The following IMMP2L variants were observed in gnomAD, a reference collection of about 807,000 sequenced individuals.
IMMP2L encodes the protein inner mitochondrial membrane peptidase subunit 2.
Under a neutral mutation model 19.3 loss-of-function variants are expected in IMMP2L, and 18 were observed. The ratio of observed to expected loss-of-function variants is 0.93; its 90% CI spans 0.64 to 1.38. The LOEUF (loss-of-function observed/expected upper bound fraction) is 1.38. Among genes scored for constraint, IMMP2L ranks in the 40% most tolerant of loss-of-function variants. IMMP2L has a pLI of 0.00. For missense variants in IMMP2L, 233 were observed against 218.2 expected (o/e 1.07, Z -0.43); for synonymous variants, 76 against 73.0 (o/e 1.04, Z -0.21).
chr7:111,556,854 CTT>C (rs1048317161), intron 1 of IMMP2L, among the ~76,000 whole-genome samples: 3 of 152,122 alleles, frequency 2.0e-5, no homozygotes, highest in Admixed American at 6.5e-5. Flanking sequence ...TTTGCAATCT[CTT>C]GTGATGTTCC....
intron 3 of IMMP2L, among the ~76,000 whole-genome samples, chr7:111,348,358 T>A (rs990958123): frequency 1.3e-5 from 2 of 152,126 alleles, no homozygotes; most frequent in Admixed American, 1.3e-4. Flanking sequence ...AATCTTTATA[T>A]GAGAAGATTT....
At chr7:110,843,441 T>A (rs1805311341) in intron 5 of IMMP2L, among the ~76,000 whole-genome samples, 2 of 151,914 alleles carry the variant, frequency 1.3e-5, no homozygotes, top group South Asian at 4.2e-4. Context: ...TAGATAAACA[T>A]GGGGCATTGG....
chr7:111,407,470 CAA>C (rs1053480348), intron 3 of IMMP2L, among the ~76,000 whole-genome samples: 1 of 151,232 alleles, frequency 6.6e-6, no homozygotes. Flanking sequence ...TAATATTCAG[CAA>C]AAAAAAGAAC....
rs138446224 is a variant in IMMP2L, at chr7:111,306,705, A to T, written c.239+180533T>A. 3.4e-3 allele frequency among the ~76,000 whole-genome samples: 521 copies of T among 151,148 alleles called. 6 individuals are homozygous for T. The highest frequency in any genetic ancestry group is 0.012 in the African/African-American group (503 of 41,246). On this transcript the variant is annotated intron_variant, in intron 3 of 5. Coordinates refer to ENST00000405709, the MANE Select transcript of IMMP2L (RefSeq NM_032549.4). The stretch of plus-strand genomic sequence containing the variant: ...TACTGACTGGGAAGCTGTAATGATG[A>T]GATCTCTTGATAAAGTAATGCAGTG...
intron 5 of IMMP2L, among the ~76,000 whole-genome samples, chr7:110,788,259 G>A (rs1282554655): frequency 6.6e-6 from 1 of 151,918 alleles, no homozygotes; most frequent in African/African-American, 2.4e-5. Context: ...ACTAAGCTGG[G>A]TTTGAGCTTC....
chr7:110,723,039 T>G (rs1795674417), intron 5 of IMMP2L, among the ~76,000 whole-genome samples: 1 of 152,140 alleles, frequency 6.6e-6, no homozygotes, highest in African/African-American at 2.4e-5. Context: ...AATAGGCAGA[T>G]TCCCTTGTAC....
rs573664318 is a variant in IMMP2L at position 111,507,313 on chromosome 7, T to C, written c.135+14000A>G. 3.3e-5 allele frequency among the ~76,000 whole-genome samples: 5 copies of C among 152,320 alleles called. No homozygotes were observed. The East Asian group carries it at 9.6e-4, about 29-fold the overall frequency. On this transcript the variant is annotated intron_variant, in intron 2 of 5. Transcript: ENST00000405709. ...CCTCTAATTTCTGCTATAAGTTCAT[T>C]TCTCTCTTCCCATATCTTATATAAA...
chr7:110,848,644 G>A (rs1337186604), intron 5 of IMMP2L, among the ~76,000 whole-genome samples: 1 of 152,074 alleles, frequency 6.6e-6, no homozygotes, highest in Non-Finnish European at 1.5e-5. Context: ...TTCCAAAACT[G>A]GGAAGCAATC....
intron 2 of IMMP2L, chr7:111,492,218 GA>G (rs1843172929): frequency 5.5e-6 from 1 of 181,648 alleles, no homozygotes. Flanking sequence ...TTAGTGGAAA[GA>G]ATTTAAAAAA....
intron 3 of IMMP2L, among the ~76,000 whole-genome samples, chr7:110,977,999 A>T (rs2129557555): frequency 6.6e-6 from 1 of 152,162 alleles, no homozygotes; most frequent in African/African-American, 2.4e-5. Flanking sequence ...TGTGTATTTT[A>T]ATTAATTGTT....
intron 4 of IMMP2L, among the ~76,000 whole-genome samples, chr7:110,934,225 C>A (rs1049156156): frequency 2.6e-5 from 4 of 152,056 alleles, no homozygotes; most frequent in Non-Finnish European, 5.9e-5. Context: ...GATTTCTATT[C>A]TTTTGCATTT....
intron 4 of IMMP2L, among the ~76,000 whole-genome samples, chr7:110,955,983 C>T (rs1266987233): frequency 6.6e-6 from 1 of 151,624 alleles, no homozygotes; most frequent in Non-Finnish European, 1.5e-5. Flanking sequence ...CTGGGGAAAA[C>T]TCAATTTAGT....
At chr7:111,377,410 G>T (rs556303304) in intron 3 of IMMP2L, among the ~76,000 whole-genome samples, 1 of 151,710 alleles carries the variant, frequency 6.6e-6, no homozygotes, top group African/African-American at 2.4e-5. Context: ...TCCCTCTATA[G>T]TACAGCTCTA....
At chr7:110,754,585 G>C (rs1055885797) in intron 5 of IMMP2L, among the ~76,000 whole-genome samples, 1 of 151,908 alleles carries the variant, frequency 6.6e-6, no homozygotes, top group Non-Finnish European at 1.5e-5. Context: ...ATATTAACTT[G>C]GATTTTGAAT....
intron 4 of IMMP2L, among the ~76,000 whole-genome samples, chr7:110,925,766 A>T (rs528099744): frequency 6.6e-6 from 1 of 152,240 alleles, no homozygotes; most frequent in East Asian, 1.9e-4. Flanking sequence ...TAAATGTGTA[A>T]GCAAACGAAT....
At chr7:111,260,950 T>TA (rs1476248361) in intron 3 of IMMP2L, among the ~76,000 whole-genome samples, 1 of 151,894 alleles carries the variant, frequency 6.6e-6, no homozygotes, top group African/African-American at 2.4e-5. Context: ...TACATGAGGA[T>TA]AAAAAAACAT....
chr7:111,526,247 A>G (rs1332710639), intron 1 of IMMP2L, among the ~76,000 whole-genome samples: 2 of 152,186 alleles, frequency 1.3e-5, no homozygotes, highest in Non-Finnish European at 2.9e-5. Flanking sequence ...AACTCTCACT[A>G]AACAATACCT....
chr7:110,851,196 G>A (rs1014074965), intron 5 of IMMP2L, among the ~76,000 whole-genome samples: 1 of 152,054 alleles, frequency 6.6e-6, no homozygotes, highest in South Asian at 2.1e-4. Flanking sequence ...TTCAAAAATT[G>A]TGAGATTTCA....
At chr7:111,067,739 T>G (rs867290534) in intron 3 of IMMP2L, among the ~76,000 whole-genome samples, 1 of 152,082 alleles carries the variant, frequency 6.6e-6, no homozygotes, top group Non-Finnish European at 1.5e-5. Context: ...AGTTACATGG[T>G]TAAGAGGTGG....
Sources: gnomAD v4.1 joint callset for allele counts (sites outside exome capture counted in the v4.1 genomes callset) on GRCh38, gnomAD v4.1.1 for gene constraint, MANE v1.5 for transcripts, NCBI Gene and HGNC (gene_info 2026-07-23, HGNC 2026-07-21) for gene names.